Variants in MARCHF1 observed in about 807,000 individuals in gnomAD.
MARCHF1 encodes E3 ubiquitin-protein ligase MARCHF1.
Under a neutral mutation model 54.2 loss-of-function variants are expected in MARCHF1, and 40 were observed. The observed-to-expected ratio is 0.74, with a 90% CI of 0.57 to 0.96. The LOEUF (loss-of-function observed/expected upper bound fraction) is 0.96, where lower values mean the gene tolerates loss of function less well. Among genes scored for constraint, MARCHF1 ranks in the 40% least tolerant of loss-of-function variants. The probability of loss-of-function intolerance (pLI) is 0.00; values close to 1 mark genes in which losing one functional copy is unlikely to be tolerated. For missense variants in MARCHF1, 586 were observed against 656.5 expected, an observed-to-expected ratio of 0.89 and a Z score of 1.17; for synonymous variants, 236 against 236.3, an observed-to-expected ratio of 1.00 and a Z score of 0.01.
intron 1 of MARCHF1, among the ~76,000 whole-genome samples, chr4:164,212,263 A>G (rs113809203): frequency 6.5e-4 from 99 of 152,334 alleles, no homozygotes; most frequent in African/African-American, 2.2e-3. Flanking sequence ...TCATTTAATC[A>G]TCATGATAGC....
rs992372715 is a variant in MARCHF1 at position 163,830,995 on chromosome 4, C to T, written c.111+23026G>A. Among the ~76,000 whole-genome samples, 16 of 152,128 alleles carry T rather than the reference C, an allele frequency of 1.1e-4. 1 individual carries two copies. The highest frequency in any genetic ancestry group is 2.9e-5 in the Non-Finnish European group (2 of 68,018). On this transcript the variant is annotated intron_variant, in intron 4 of 9. Coordinates refer to ENST00000514618, the MANE Select transcript of MARCHF1 (RefSeq NM_001394959.1). ...AGTTTTGGTAGTATTGGTGGGGGCTCTTGTTCCAAGCATCGTCCTAGTAAT... is the reference window on the plus strand; with the variant it reads ...AGTTTTGGTAGTATTGGTGGGGGCTTTTGTTCCAAGCATCGTCCTAGTAAT...
At chr4:163,834,991 C>G (rs1749140562) in intron 4 of MARCHF1, among the ~76,000 whole-genome samples, 1 of 152,012 alleles carries the variant, frequency 6.6e-6, no homozygotes, top group Non-Finnish European at 1.5e-5. Context: ...AAGCTATCCT[C>G]CTAAGTTCAG....
intron 4 of MARCHF1, among the ~76,000 whole-genome samples, chr4:163,852,338 T>C (rs1367066102): frequency 2.6e-5 from 4 of 152,302 alleles, no homozygotes; most frequent in Non-Finnish European, 4.4e-5. Context: ...TCACAGTTTT[T>C]ATGGTTTTTG....
chr4:163,831,197 C>T (rs1749014650), intron 4 of MARCHF1, among the ~76,000 whole-genome samples: 2 of 152,168 alleles, frequency 1.3e-5, no homozygotes, highest in African/African-American at 4.8e-5. Flanking sequence ...GGAGTGGGGG[C>T]TAGATGCCTC....
At chr4:163,920,484 G>GC (rs1486236197) in intron 3 of MARCHF1, among the ~76,000 whole-genome samples, 2 of 152,106 alleles carry the variant, frequency 1.3e-5, no homozygotes, top group African/African-American at 4.8e-5. Flanking sequence ...GCTTTACTTT[G>GC]CTGTACTTAC....
intron 1 of MARCHF1, among the ~76,000 whole-genome samples, chr4:164,382,025 G>T (rs546384078): frequency 1.3e-5 from 2 of 152,174 alleles, no homozygotes; most frequent in Non-Finnish European, 2.9e-5. Flanking sequence ...GACATAATCA[G>T]ACATATAATT....
intron 3 of MARCHF1, among the ~76,000 whole-genome samples, chr4:163,945,749 C>T (rs562476554): frequency 3.9e-5 from 6 of 152,254 alleles, no homozygotes; most frequent in African/African-American, 9.6e-5. Context: ...AAATGGGATA[C>T]ACTCAGAGGT....
intron 4 of MARCHF1, among the ~76,000 whole-genome samples, chr4:163,742,856 G>C (rs1233733937): frequency 6.6e-6 from 1 of 152,112 alleles, no homozygotes; most frequent in Admixed American, 6.5e-5. Context: ...AATTGATTTT[G>C]TTAGGGGCCA....
chr4:163,964,853 G>GA (rs1752410958), intron 3 of MARCHF1, among the ~76,000 whole-genome samples: 1 of 151,872 alleles, frequency 6.6e-6, no homozygotes, highest in South Asian at 2.1e-4. Flanking sequence ...GATCATCTTT[G>GA]AGCTTGTCCT....
chr4:163,813,985 C>A (rs1296421743), intron 4 of MARCHF1, among the ~76,000 whole-genome samples: 1 of 152,148 alleles, frequency 6.6e-6, no homozygotes, highest in Non-Finnish European at 1.5e-5. Flanking sequence ...GTGGCTTGGA[C>A]AGAATCCAGG....
At chr4:163,535,261 T>C (rs897814029) in intron 9 of MARCHF1, among the ~76,000 whole-genome samples, 1 of 152,100 alleles carries the variant, frequency 6.6e-6, no homozygotes, top group Non-Finnish European at 1.5e-5. Context: ...AAAGAAAATA[T>C]CAGGCTGATA....
chr4:163,627,992 A>T (rs906502809), intron 5 of MARCHF1, among the ~76,000 whole-genome samples: 1 of 152,166 alleles, frequency 6.6e-6, no homozygotes, highest in African/African-American at 2.4e-5. Context: ...AGAAGAAAAC[A>T]CAGGAAAAAT....
intron 4 of MARCHF1, among the ~76,000 whole-genome samples, chr4:163,770,345 A>G (rs569658253): frequency 2.6e-4 from 39 of 152,282 alleles, no homozygotes; most frequent in Middle Eastern, 6.8e-3. Flanking sequence ...CAGATGGAAA[A>G]GAAAGATTGT....
chr4:163,883,001 G>A (rs552728136), intron 3 of MARCHF1, among the ~76,000 whole-genome samples: 1 of 152,148 alleles, frequency 6.6e-6, no homozygotes, highest in South Asian at 2.1e-4. Context: ...TTTCATACAT[G>A]TGGTTTTACA....
intron 2 of MARCHF1, among the ~76,000 whole-genome samples, chr4:164,016,227 G>A (rs1429656364): frequency 6.6e-6 from 1 of 152,124 alleles, no homozygotes; most frequent in Non-Finnish European, 1.5e-5. Flanking sequence ...TACAATTATG[G>A]CAGAAAGGGA....
chr4:163,692,537 G>C (rs990255429), intron 5 of MARCHF1, among the ~76,000 whole-genome samples: 6 of 152,108 alleles, frequency 3.9e-5, no homozygotes, highest in Non-Finnish European at 8.8e-5. Context: ...TTATTAAGAG[G>C]AAGAATGAGA....
chr4:163,998,997 A>T (rs1458456629), intron 2 of MARCHF1, among the ~76,000 whole-genome samples: 1 of 151,668 alleles, frequency 6.6e-6, no homozygotes. Flanking sequence ...TATGGTAGTT[A>T]CAGTTTTCAA....
intron 2 of MARCHF1, among the ~76,000 whole-genome samples, chr4:164,065,968 A>C (rs956901128): frequency 3.3e-5 from 5 of 152,220 alleles, no homozygotes; most frequent in Non-Finnish European, 1.5e-5. Context: ...GTGTGCACCC[A>C]CAATGAAGTT....
chr4:163,596,103 C>A (rs1740757861), intron 7 of MARCHF1, among the ~76,000 whole-genome samples: 1 of 151,812 alleles, frequency 6.6e-6, no homozygotes, highest in Admixed American at 6.6e-5. Context: ...AAAAAGAGAA[C>A]AGATATTTTA....
Sources: allele counts gnomAD v4.1 joint callset (sites outside exome capture counted in the v4.1 genomes callset), GRCh38; gene constraint gnomAD v4.1.1; transcripts MANE v1.5; gene names NCBI Gene and HGNC (gene_info 2026-07-23, HGNC 2026-07-21).